The following DPP6 variants were observed in gnomAD, a reference collection of about 807,000 sequenced individuals.
The protein encoded by DPP6 is A-type potassium channel modulatory protein DPP6.
DPP6 carries 69 observed loss-of-function variants against 122.6 expected under a neutral mutation model. That is an observed-to-expected ratio of 0.56 (90% CI 0.46 to 0.69). DPP6 has a LOEUF of 0.69. Among genes scored for constraint, DPP6 ranks in the 30% least tolerant of loss-of-function variants. DPP6 has a pLI of 0.00. For missense variants in DPP6, 928 were observed against 1,116.9 expected (o/e 0.83, Z 2.41); for synonymous variants, 418 against 433.1 (o/e 0.97, Z 0.43).
At chr7:154,504,383 C>G (rs959619104) in intron 3 of DPP6, among the ~76,000 whole-genome samples, 1 of 152,140 alleles carries the variant, frequency 6.6e-6, no homozygotes, top group Non-Finnish European at 1.5e-5. Flanking sequence ...AATATATAAT[C>G]TTATCGTGAG....
the DPP6 span, among the ~76,000 whole-genome samples, chr7:153,787,452 A>G: frequency 7.0e-6 from 1 of 142,088 alleles, no homozygotes; most frequent in Middle Eastern, 3.5e-3. Context: ...TAATAATTAT[A>G]CATTAACATG....
intron 1 of DPP6, among the ~76,000 whole-genome samples, chr7:154,117,421 G>T (rs983178866): frequency 6.6e-6 from 1 of 152,136 alleles, no homozygotes; most frequent in African/African-American, 2.4e-5. Flanking sequence ...TGGTGTCTTT[G>T]TCTGTCTTTT....
the DPP6 span, among the ~76,000 whole-genome samples, chr7:153,879,387 C>G: frequency 6.6e-6 from 1 of 152,178 alleles, no homozygotes; most frequent in East Asian, 1.9e-4. Context: ...TTGTTTCTTT[C>G]TTTCTTTCTT....
At chr7:154,022,690 A>C (rs1798762993) in intron 1 of DPP6, among the ~76,000 whole-genome samples, 1 of 152,032 alleles carries the variant, frequency 6.6e-6, no homozygotes. Flanking sequence ...GCTGAATTGC[A>C]CCTCCAGTTC....
At chr7:154,852,461 A>C (rs993103867) in intron 16 of DPP6, among the ~76,000 whole-genome samples, 12 of 74,298 alleles carry the variant, frequency 1.6e-4, no homozygotes, top group Admixed American at 2.8e-4. Context: ...AGCCAAAGGG[A>C]CAGGCTCTCC....
chr7:153,839,145 G>A, the DPP6 span, among the ~76,000 whole-genome samples: 3 of 152,168 alleles, frequency 2.0e-5, no homozygotes, highest in Non-Finnish European at 4.4e-5. Context: ...ACCGTGGCAT[G>A]TGTCTCGCTA....
chr7:154,359,925 A>G (rs979694286), intron 1 of DPP6, among the ~76,000 whole-genome samples: 1 of 152,216 alleles, frequency 6.6e-6, no homozygotes, highest in African/African-American at 2.4e-5. Context: ...GTAGGAAGGT[A>G]CAGAGGACAA....
chr7:154,468,125 G>T (rs994273126), intron 2 of DPP6, among the ~76,000 whole-genome samples: 4 of 152,158 alleles, frequency 2.6e-5, no homozygotes, highest in Non-Finnish European at 5.9e-5. Context: ...TCTATAAAAA[G>T]GAATGAAGTA....
intron 1 of DPP6, among the ~76,000 whole-genome samples, chr7:154,128,566 T>A (rs1808116284): frequency 6.6e-6 from 1 of 152,112 alleles, no homozygotes; most frequent in Middle Eastern, 3.2e-3. Context: ...CGCGCCTGGC[T>A]AATTTTTTGT....
At chr7:154,528,888 G>T (rs1827626150) in intron 3 of DPP6, among the ~76,000 whole-genome samples, 1 of 152,210 alleles carries the variant, frequency 6.6e-6, no homozygotes, top group African/African-American at 2.4e-5. Context: ...AGGGAGTGCA[G>T]AGGATTGGGA....
intron 2 of DPP6, among the ~76,000 whole-genome samples, chr7:154,470,853 C>A (rs1382701790): frequency 1.3e-5 from 2 of 152,204 alleles, no homozygotes; most frequent in African/African-American, 2.4e-5. Context: ...CTTGCATCGC[C>A]ACCTTTATGT....
chr7:153,756,672 C>T, the DPP6 span, among the ~76,000 whole-genome samples: 1 of 151,920 alleles, frequency 6.6e-6, no homozygotes, highest in African/African-American at 2.4e-5. Flanking sequence ...AGAAAGAGTA[C>T]CCGTGTAAAT....
At chr7:154,072,298 C>T (rs951898539) in intron 1 of DPP6, among the ~76,000 whole-genome samples, 1 of 152,170 alleles carries the variant, frequency 6.6e-6, no homozygotes, top group Non-Finnish European at 1.5e-5. Flanking sequence ...ATTGCTTATC[C>T]ATGGTGTTAG....
In DPP6 at chr7:154,712,007, T is replaced by C. The variant is rs576395681; in HGVS notation, c.763-15760T>C. Among the ~76,000 whole-genome samples, 4 of 152,196 alleles carry C rather than the reference T, an allele frequency of 2.6e-5. No individual in the cohort carries two copies. In the South Asian group the frequency reaches 8.3e-4, roughly 32 times the overall value. ...TTACCTGGAAGTTGTACTAATCTTT[T>C]AATTTCTCTTTTTAAATTATCTTAG... is the stretch of plus-strand genomic sequence containing the variant. On this transcript the variant is annotated intron_variant, in intron 7 of 25. Coordinates refer to ENST00000377770, the MANE Select transcript of DPP6 (RefSeq NM_130797.4).
Position 153,895,784 on chromosome 7 carries a change from G to A in DPP6, c.51+8050G>A, listed in dbSNP as rs1218405275. On this transcript the variant is annotated intron_variant, in intron 1 of 25. Coordinates refer to the DPP6 transcript ENST00000404039. ...CACACAATGTTCATACATCTCAGAT[G>A]TAAAATACTGGCACCATTGTCCAGC... 2.6e-5 allele frequency among the ~76,000 whole-genome samples: 4 copies of A among 151,606 alleles called. No homozygotes were observed. The South Asian group carries it at 8.3e-4, about 31-fold the overall frequency.
At chr7:154,573,841 G>A (rs1256451740) in intron 5 of DPP6, among the ~76,000 whole-genome samples, 4 of 152,228 alleles carry the variant, frequency 2.6e-5, no homozygotes, top group African/African-American at 9.6e-5. Context: ...AGCAGTGTAA[G>A]ATAATGCTGA....
the DPP6 span, among the ~76,000 whole-genome samples, chr7:153,828,590 T>C: frequency 2.0e-5 from 3 of 152,286 alleles, no homozygotes; most frequent in East Asian, 3.9e-4. Context: ...GGAAAGAAAG[T>C]ATATCTGATT....
At chr7:154,398,340 T>C (rs1463998296) in intron 1 of DPP6, among the ~76,000 whole-genome samples, 7 of 152,184 alleles carry the variant, frequency 4.6e-5, no homozygotes, top group Admixed American at 4.6e-4. Context: ...TTGGATTCAA[T>C]CCAAGATGAT....
Position 154,893,543 on chromosome 7 carries a change from G to A in DPP6, c.*1063G>A, listed in dbSNP as rs1381363071. 1 of 151,326 alleles carries A rather than the reference G, an allele frequency of 6.6e-6. No individual in the cohort carries two copies. Among genetic ancestry groups the A allele is most frequent in the African/African-American group, 2.4e-5 (1 of 41,116 alleles). 9.4% of individuals were successfully genotyped at this position (151,326 alleles called of 1,614,324 possible). On this transcript the variant is annotated 3_prime_UTR_variant, in exon 26 of 26. Coordinates refer to ENST00000377770, the MANE Select transcript of DPP6 (RefSeq NM_130797.4). Reference sequence around the variant, plus strand: ...CGCTGTGTGTGCTCGGGCCACGGGAGTCCTGAGGGTTCTGTGGGCCTGCGC... The same window carrying A: ...CGCTGTGTGTGCTCGGGCCACGGGAATCCTGAGGGTTCTGTGGGCCTGCGC...
Sources: gnomAD v4.1 joint callset for allele counts (sites outside exome capture counted in the v4.1 genomes callset) on GRCh38, gnomAD v4.1.1 for gene constraint, MANE v1.5 for transcripts, NCBI Gene and HGNC (gene_info 2026-07-23, HGNC 2026-07-21) for gene names.